DOCK9: variants seen among roughly 807,000 people sequenced by gnomAD.
DOCK9 encodes the protein dedicator of cytokinesis protein 9.
A neutral mutation model predicts 263.3 loss-of-function variants in DOCK9; 89 were observed. That is an observed-to-expected ratio of 0.34 (90% CI 0.28 to 0.40). The LOEUF is 0.40. Ranked by LOEUF, DOCK9 falls within the 10% of genes least tolerant of loss-of-function variation. The probability of loss-of-function intolerance (pLI) is 1.00; values close to 1 mark genes in which losing one functional copy is unlikely to be tolerated. For synonymous variants in DOCK9, 976 were observed against 973.1 expected (o/e 1.00, Z -0.06); for missense variants, 2,140 against 2,603.4 (o/e 0.82, Z 3.87).
In DOCK9 at chr13:98,815,464, A is replaced by T. The variant is rs564954187; in HGVS notation, c.5131-5173T>A. On this transcript the variant is annotated intron_variant, in intron 45 of 52. Coordinates refer to ENST00000682017, the MANE Select transcript of DOCK9 (RefSeq NM_001366683.2). ...GGGCCTTTTCAAAGAGAAATGTAAA[A>T]TTTTTTTTTGTTTGTTTGTTTGTTT... 5.3e-5 allele frequency among the ~76,000 whole-genome samples: 8 copies of T among 151,556 alleles called. No individual in the cohort carries two copies. The East Asian group carries it at 5.8e-4, about 11-fold the overall frequency.
intron 1 of DOCK9, among the ~76,000 whole-genome samples, chr13:99,055,480 C>T (rs1595997726): frequency 1.3e-5 from 2 of 152,044 alleles, no homozygotes; most frequent in African/African-American, 4.8e-5. Context: ...TAAGAGAAAG[C>T]GAGCCGGTGC....
chr13:98,949,203 G>T (rs547916950), intron 2 of DOCK9, among the ~76,000 whole-genome samples: 1 of 152,116 alleles, frequency 6.6e-6, no homozygotes, highest in Non-Finnish European at 1.5e-5. Flanking sequence ...CTCCCAAGTC[G>T]CTGGGACCAC....
At chr13:98,901,722 A>G (rs1566910051) in intron 13 of DOCK9, 56 bp downstream of exon 13, 1 of 1,584,548 alleles carries the variant, frequency 6.3e-7, no homozygotes, top group South Asian at 1.2e-5. Flanking sequence ...AGTATCACAT[A>G]AAGGCCTCTT....
chr13:98,943,854 G>A (rs900542541), intron 2 of DOCK9, among the ~76,000 whole-genome samples: 2 of 152,114 alleles, frequency 1.3e-5, no homozygotes, highest in African/African-American at 4.8e-5. Context: ...GAGGGATAGG[G>A]GATGAATGCT....
Position 98,883,138 on chromosome 13 carries a change from T to G in DOCK9, c.2470-7A>C. On this transcript the variant is annotated splice_polypyrimidine_tract_variant and splice_region_variant and intron_variant, in intron 22 of 52. Coordinates refer to ENST00000682017, the MANE Select transcript of DOCK9 (RefSeq NM_001366683.2). ...AATTATGTAAATGCTGATCCTGAGG[T>G]AGGGAAAAAGGAAAAGAAGAAGAAA... is the stretch of plus-strand genomic sequence containing the variant. 1 of 1,607,416 alleles carries G rather than the reference T, an allele frequency of 6.2e-7. No individual in the cohort carries two copies. The highest frequency in any genetic ancestry group is 8.5e-7 in the Non-Finnish European group (1 of 1,176,514).
intron 45 of DOCK9, among the ~76,000 whole-genome samples, chr13:98,819,714 G>A (rs1447449785): frequency 6.6e-6 from 1 of 152,224 alleles, no homozygotes; most frequent in African/African-American, 2.4e-5. Context: ...CAGGACCACT[G>A]TCAGTCAAGG....
intron 1 of DOCK9, among the ~76,000 whole-genome samples, chr13:98,966,792 A>G (rs1393959576): frequency 6.6e-6 from 1 of 152,192 alleles, no homozygotes; most frequent in Admixed American, 6.5e-5. Context: ...AGGTGTTGGG[A>G]GTTAGAGTTT....
chr13:98,992,532 T>G (rs201422185), intron 1 of DOCK9, among the ~76,000 whole-genome samples: 24 of 152,264 alleles, frequency 1.6e-4, no homozygotes, highest in African/African-American at 5.8e-4. Context: ...ATGGGAGAGA[T>G]CCGGTGGGAA....
chr13:98,840,232 T>C (rs756772368), intron 38 of DOCK9, among the ~76,000 whole-genome samples: 3 of 152,150 alleles, frequency 2.0e-5, no homozygotes, highest in Non-Finnish European at 4.4e-5. Context: ...GTTGGCAATG[T>C]TTTGAAAGCT....
chr13:99,015,508 A>G lies in DOCK9; in HGVS notation c.130-59957T>C, dbSNP rs189036850. 8.1e-6 allele frequency: 13 copies of G among 1,598,226 alleles called. No individual in the cohort carries two copies. The East Asian group carries it at 2.7e-4, about 33-fold the overall frequency. On this transcript the variant is annotated intron_variant, in intron 1 of 32. Coordinates refer to the DOCK9 transcript ENST00000427887. ...TGTCCAATTGTATGCTGTATATTCAAGGGCATTATTCTCTCCTTGCTGTTT... is the reference window on the plus strand; with the variant it reads ...TGTCCAATTGTATGCTGTATATTCAGGGGCATTATTCTCTCCTTGCTGTTT...
chr13:98,960,624 A>C (rs2058527572), intron 1 of DOCK9, among the ~76,000 whole-genome samples: 1 of 152,220 alleles, frequency 6.6e-6, no homozygotes, highest in Admixed American at 6.5e-5. Context: ...TAGTACCTTC[A>C]GTTCACAAAT....
At chr13:98,972,940 T>C (rs2059888138) in intron 1 of DOCK9, among the ~76,000 whole-genome samples, 1 of 152,234 alleles carries the variant, frequency 6.6e-6, no homozygotes, top group African/African-American at 2.4e-5. Context: ...GTCTCCATTC[T>C]TGTAAATGTG....
chr13:98,858,686 T>C (rs946763252), intron 33 of DOCK9: 1 of 152,204 alleles, frequency 6.6e-6, no homozygotes, highest in African/African-American at 2.4e-5. Flanking sequence ...TGAATTCCTA[T>C]GAAAAGTGGA....
intron 9 of DOCK9, among the ~76,000 whole-genome samples, chr13:98,911,874 C>CTTTTTTT (rs368270696): frequency 1.4e-5 from 2 of 142,158 alleles, no homozygotes; most frequent in Non-Finnish European, 3.0e-5. Flanking sequence ...TAAAAAAACA[C>CTTTTTTT]TTTTTTTTTT....
Position 98,897,603 on chromosome 13 carries a change from A to G in DOCK9, c.1594T>C (p.Phe532Leu). The G allele has an allele frequency of 6.2e-7, 1 of 1,613,564 alleles. No individual in the cohort carries two copies. The highest frequency in any genetic ancestry group is 1.1e-5 in the South Asian group (1 of 90,852). Residue 532 changes from phenylalanine (F) to leucine (L), a missense_variant, in exon 15 of 53, where the codon TTT becomes CTT. Phe to Leu is a conservative substitution (Grantham distance 22). Coordinates refer to ENST00000682017, the MANE Select transcript of DOCK9 (RefSeq NM_001366683.2). ...TCAAGATTTCCAGATGCATCCTTAAACAATGTCCTGAAATGGCAAAGCAAC... is the reference window on the plus strand; with the variant it reads ...TCAAGATTTCCAGATGCATCCTTAAGCAATGTCCTGAAATGGCAAAGCAAC... ...MPFAWAARTL[F>L]KDASGNLDKN... is the part of the protein sequence containing the mutation.
chr13:99,014,969 C>T (rs1037509983), intron 1 of DOCK9, among the ~76,000 whole-genome samples: 2 of 152,174 alleles, frequency 1.3e-5, no homozygotes, highest in South Asian at 4.1e-4. Flanking sequence ...GTCTCATACC[C>T]ATCATAGTTT....
chr13:98,995,366 C>G (rs1482894138), intron 1 of DOCK9, among the ~76,000 whole-genome samples: 2 of 152,008 alleles, frequency 1.3e-5, no homozygotes. Context: ...ATGAAATCAA[C>G]CAGTAAACAA....
At chr13:98,820,466 G>T (rs907905826) in intron 45 of DOCK9, among the ~76,000 whole-genome samples, 2 of 152,182 alleles carry the variant, frequency 1.3e-5, no homozygotes, top group African/African-American at 4.8e-5. Flanking sequence ...GTGTAAGAAA[G>T]AATTCAGGGC....
At chr13:98,820,294 C>G (rs1257154431) in intron 45 of DOCK9, among the ~76,000 whole-genome samples, 1 of 152,176 alleles carries the variant, frequency 6.6e-6, no homozygotes, top group East Asian at 1.9e-4. Flanking sequence ...AGTGTTCTTG[C>G]ACTTAGGAAC....
Sources: gnomAD v4.1 joint callset for allele counts (sites outside exome capture counted in the v4.1 genomes callset) on GRCh38, gnomAD v4.1.1 for gene constraint, MANE v1.5 for transcripts, NCBI Gene and HGNC (gene_info 2026-07-23, HGNC 2026-07-21) for gene names.